Variants in SRGAP3 observed in about 807,000 individuals in gnomAD.
The protein encoded by SRGAP3 is SLIT-ROBO Rho GTPase activating protein 3.
Under a neutral mutation model 121.1 loss-of-function variants are expected in SRGAP3, and 39 were observed. The ratio of observed to expected loss-of-function variants is 0.32; its 90% CI spans 0.25 to 0.42. The LOEUF is 0.42. Ranked by LOEUF, SRGAP3 falls within the 10% of genes least tolerant of loss-of-function variation. The pLI is 1.00. For synonymous variants in SRGAP3, 601 were observed against 570.0 expected (o/e 1.05, Z -0.77); for missense variants, 1,213 against 1,470.6 (o/e 0.82, Z 2.86).
intron 1 of SRGAP3, among the ~76,000 whole-genome samples, chr3:9,334,936 G>A (rs575389481): frequency 3.3e-5 from 5 of 152,314 alleles, no homozygotes; most frequent in African/African-American, 1.2e-4. Context: ...AATCTGTCCA[G>A]TGTCTTCAGG....
intron 4 of SRGAP3, among the ~76,000 whole-genome samples, chr3:9,072,224 C>T (rs901585405): frequency 4.6e-5 from 7 of 152,318 alleles, no homozygotes; most frequent in African/African-American, 7.2e-5. Flanking sequence ...AGTGCTGCTC[C>T]TTCTGCCCCT....
chr3:9,349,188 A>G lies in SRGAP3; in HGVS notation n.214+13652T>C. On this transcript the variant is annotated intron_variant and non_coding_transcript_variant, in intron 1 of 3. Coordinates refer to the SRGAP3 transcript ENST00000490889. ...GTGGCTGCCCAGGGTAAGGCCAAGA[A>G]GTAAAGGCCAGCGGGCAGGCTACTG... 7.1e-6 allele frequency: 5 copies of G among 707,086 alleles called. No homozygotes were observed. The Admixed American group carries it at 7.2e-5, about 10-fold the overall frequency. The allele number at this position is 707,086 out of a possible 1,614,324, so 43.8% of individuals were successfully genotyped here.
chr3:9,206,102 A>C (rs1055433286), intron 1 of SRGAP3, among the ~76,000 whole-genome samples: 7 of 152,226 alleles, frequency 4.6e-5, no homozygotes, highest in Admixed American at 3.3e-4. Context: ...ACATACACTT[A>C]AAAATGGTGA....
chr3:8,983,384 G>C lies in SRGAP3; in HGVS notation c.*2135C>G. 1 of 229,636 alleles carries C rather than the reference G, an allele frequency of 4.4e-6. No individual in the cohort carries two copies. The allele number at this position is 229,636 out of a possible 1,614,324, so 14.2% of individuals were successfully genotyped here. A position where few individuals can be genotyped will look rare whatever the true frequency, so the allele number is the denominator to read the frequency against. On this transcript the variant is annotated 3_prime_UTR_variant, in exon 22 of 22. Coordinates refer to ENST00000383836, the MANE Select transcript of SRGAP3 (RefSeq NM_014850.4). ...GCCTCTCCCTGAGATCCCTTTTTTT[G>C]TTCCTCTCCTGATGCTCCCTTCCAC...
chr3:9,332,533 T>C (rs1383760950), intron 1 of SRGAP3, among the ~76,000 whole-genome samples: 1 of 152,198 alleles, frequency 6.6e-6, no homozygotes, highest in Non-Finnish European at 1.5e-5. Flanking sequence ...AGGTTTCTTC[T>C]TTTCAAAACA....
chr3:9,293,725 T>C (rs997742550), intron 3 of SRGAP3, among the ~76,000 whole-genome samples: 3 of 151,774 alleles, frequency 2.0e-5, no homozygotes, highest in Non-Finnish European at 4.4e-5. Flanking sequence ...CCAACAAACA[T>C]ACGAAAAAAA....
At chr3:9,312,858 G>A (rs888327214) in intron 3 of SRGAP3, among the ~76,000 whole-genome samples, 18 of 152,186 alleles carry the variant, frequency 1.2e-4, no homozygotes, top group African/African-American at 4.3e-4. Flanking sequence ...CAGGTGTGGT[G>A]GTGCCCACAT....
At chr3:9,195,142 T>A (rs991551737) in intron 1 of SRGAP3, among the ~76,000 whole-genome samples, 5 of 152,216 alleles carry the variant, frequency 3.3e-5, no homozygotes, top group Non-Finnish European at 5.9e-5. Flanking sequence ...TAGCTCTCCA[T>A]CACATAGTGT....
In SRGAP3 at chr3:8,984,701, CG is replaced by C. The variant is rs1941587025; in HGVS notation, c.*817del. ...GGGAGTACAGTTGGCCTTTGGCCTC[CG>C]GGTGGAAGGGCAGGGTCTCTGGGGT... On this transcript the variant is annotated 3_prime_UTR_variant, in exon 22 of 22. Transcript: ENST00000383836. 1 of 232,402 alleles carries C rather than the reference CG, an allele frequency of 4.3e-6. No homozygotes were observed. The highest frequency in any genetic ancestry group is 8.5e-6 in the Non-Finnish European group (1 of 117,302). The allele number at this position is 232,402 out of a possible 1,614,324, so 14.4% of individuals were successfully genotyped here. A position where few individuals can be genotyped will look rare whatever the true frequency, so the allele number is the denominator to read the frequency against.
intron 3 of SRGAP3, among the ~76,000 whole-genome samples, chr3:9,097,530 C>T (rs558888305): frequency 1.1e-4 from 17 of 152,192 alleles, no homozygotes; most frequent in Admixed American, 9.8e-4. Flanking sequence ...CCCACCTCTT[C>T]GTGATCCAGG....
intron 3 of SRGAP3, among the ~76,000 whole-genome samples, chr3:9,303,727 T>C (rs1322612174): frequency 2.0e-5 from 3 of 152,204 alleles, no homozygotes; most frequent in African/African-American, 7.2e-5. Flanking sequence ...ACTGCACCAA[T>C]TTGAAAAGTC....
chr3:9,058,216 G>A (rs1388413676), intron 7 of SRGAP3, 35 bp downstream of exon 7: 2 of 1,607,488 alleles, frequency 1.2e-6, no homozygotes, highest in East Asian at 2.2e-5. Flanking sequence ...ACAGAGGGAA[G>A]CAGCCCCAAG....
At position 9,284,711 on chromosome 3, in the gene SRGAP3, T is replaced by C. The variant is rs991567287; in HGVS notation, n.442+41299A>G. ...TGGGCATGGTGTCATGCACCTGTAGTAGTCCCAGCTACTCGGGAGACTGAC... is the reference window on the plus strand; with the variant it reads ...TGGGCATGGTGTCATGCACCTGTAGCAGTCCCAGCTACTCGGGAGACTGAC... On this transcript the variant is annotated intron_variant and non_coding_transcript_variant, in intron 3 of 3. Coordinates refer to the SRGAP3 transcript ENST00000490889. Among the ~76,000 whole-genome samples, 10 of 151,812 alleles carry C rather than the reference T, an allele frequency of 6.6e-5. No homozygotes were observed. The East Asian group carries it at 1.9e-3, about 30-fold the overall frequency.
At chr3:9,214,117 AAC>A (rs34152705) in intron 1 of SRGAP3, among the ~76,000 whole-genome samples, 2,449 of 133,140 alleles carry the variant, frequency 0.018, 42 homozygotes, top group African/African-American at 0.047. Flanking sequence ...ACCCACCTCC[AAC>A]ACACACACAC....
chr3:9,328,401 A>G (rs1044130765), intron 2 of SRGAP3, among the ~76,000 whole-genome samples: 4 of 152,222 alleles, frequency 2.6e-5, no homozygotes, highest in Non-Finnish European at 4.4e-5. Flanking sequence ...CAGGGCCAGG[A>G]AAGGGGTCTG....
chr3:9,267,868 G>A (rs1377543343), intron 3 of SRGAP3, among the ~76,000 whole-genome samples: 1 of 152,162 alleles, frequency 6.6e-6, no homozygotes, highest in Non-Finnish European at 1.5e-5. Flanking sequence ...CGTTTTCTGT[G>A]CAAGGCCATT....
At chr3:9,140,837 A>G (rs962452039) in intron 1 of SRGAP3, among the ~76,000 whole-genome samples, 3 of 152,246 alleles carry the variant, frequency 2.0e-5, no homozygotes, top group African/African-American at 7.2e-5. Context: ...GGGGAGAGGC[A>G]GTAAACTTTT....
chr3:9,234,615 A>G (rs1471982644), intron 1 of SRGAP3, among the ~76,000 whole-genome samples: 1 of 152,206 alleles, frequency 6.6e-6, no homozygotes, highest in South Asian at 2.1e-4. Context: ...GCCTACAGAA[A>G]TCCAGGTCTT....
chr3:9,347,487 G>A (rs1477537782), intron 1 of SRGAP3, among the ~76,000 whole-genome samples: 3 of 152,178 alleles, frequency 2.0e-5, no homozygotes, highest in Non-Finnish European at 2.9e-5. Context: ...CTGAGCTACC[G>A]ATGAGCCTAA....
Sources: allele counts gnomAD v4.1 joint callset (sites outside exome capture counted in the v4.1 genomes callset), GRCh38; gene constraint gnomAD v4.1.1; transcripts MANE v1.5; gene names NCBI Gene and HGNC (gene_info 2026-07-23, HGNC 2026-07-21).